HMGCLL1: variants seen among roughly 807,000 people sequenced by gnomAD.
HMGCLL1 encodes 3-hydroxymethyl-3-methylglutaryl-CoA lyase, cytoplasmic.
A neutral mutation model predicts 39.1 loss-of-function variants in HMGCLL1; 36 were observed. That is an observed-to-expected ratio of 0.92 (90% CI 0.71 to 1.22). The LOEUF is 1.22. HMGCLL1 is among the 50% of genes most tolerant of loss of function. The pLI, the probability that HMGCLL1 is intolerant of heterozygous loss-of-function variation, is 0.00. For synonymous variants in HMGCLL1, 149 were observed against 144.0 expected, an observed-to-expected ratio of 1.03 and a Z score of -0.25; for missense variants, 451 against 416.5, an observed-to-expected ratio of 1.08 and a Z score of -0.72.
intron 7 of HMGCLL1, among the ~76,000 whole-genome samples, chr6:55,488,271 C>T (rs9475313): frequency 0.14 from 20,920 of 151,924 alleles, 1,633 homozygotes; most frequent in African/African-American, 0.22. Flanking sequence ...GTAGATGTAG[C>T]CATACATGAT....
chr6:55,627,960 TA>T, the HMGCLL1 span, among the ~76,000 whole-genome samples: 3 of 1,842 alleles, frequency 1.6e-3, 1 homozygote, highest in Non-Finnish European at 3.6e-3. Context: ...ACTATATATA[TA>T]ATATATATAT....
intron 3 of HMGCLL1, among the ~76,000 whole-genome samples, chr6:55,541,135 T>A (rs7739933): frequency 0.38 from 57,216 of 151,894 alleles, 12,308 homozygotes; most frequent in East Asian, 0.52. Flanking sequence ...GTTTCAAAGA[T>A]CAGAGTCAAG....
intron 7 of HMGCLL1, among the ~76,000 whole-genome samples, chr6:55,475,148 G>T (rs1428724814): frequency 6.6e-6 from 1 of 151,528 alleles, no homozygotes; most frequent in Non-Finnish European, 1.5e-5. Context: ...GGAGAATGAT[G>T]AATACCCTTT....
intron 1 of HMGCLL1, among the ~76,000 whole-genome samples, chr6:55,573,082 C>T (rs1771597684): frequency 1.3e-5 from 2 of 152,218 alleles, no homozygotes; most frequent in South Asian, 4.1e-4. Flanking sequence ...CCCTGGTAAA[C>T]ATTTTAGGTT....
At chr6:55,579,463 G>T (rs1216471627), upstream of HMGCLL1, among the ~76,000 whole-genome samples, 1 of 152,160 alleles carries the variant, frequency 6.6e-6, no homozygotes, top group East Asian at 1.9e-4. Flanking sequence ...AAAGGAAGGG[G>T]CGTGAGTGTT....
chr6:55,615,723 ACAT>A, the HMGCLL1 span, among the ~76,000 whole-genome samples: 1 of 152,122 alleles, frequency 6.6e-6, no homozygotes, highest in South Asian at 2.1e-4. Context: ...ACAGCTACAA[ACAT>A]CATAGGTGCA....
chr6:55,513,936 TATG>T, intron 5 of HMGCLL1, 109 bp downstream of exon 5: 1 of 899,416 alleles, frequency 1.1e-6, no homozygotes, highest in Non-Finnish European at 1.7e-6. Context: ...AAAATAGAAA[TATG>T]ATATTCTATG....
intron 1 of HMGCLL1, among the ~76,000 whole-genome samples, chr6:55,553,725 AT>A (rs1347963145): frequency 1.3e-5 from 2 of 152,030 alleles, no homozygotes; most frequent in Non-Finnish European, 2.9e-5. Context: ...GACATGGGAC[AT>A]TTTTTTCTGA....
the HMGCLL1 span, among the ~76,000 whole-genome samples, chr6:55,644,345 GT>G: frequency 9.2e-5 from 14 of 152,024 alleles, no homozygotes; most frequent in African/African-American, 3.4e-4. Flanking sequence ...TGTAATGTGG[GT>G]TGTCTTTTCA....
rs540289494 is a variant in HMGCLL1, at chr6:55,575,618, T to A, written c.108+3330A>T. 1.1e-4 allele frequency among the ~76,000 whole-genome samples: 16 copies of A among 152,246 alleles called. No individual in the cohort carries two copies. The South Asian group carries it at 2.9e-3, about 28-fold the overall frequency. ...CTAACTACAATCAAATTATTTCATA[T>A]TACAGGAGTCAGGTTTATTCATGAT... On this transcript the variant is annotated intron_variant, in intron 1 of 8. Coordinates refer to ENST00000274901, the MANE Select transcript of HMGCLL1 (RefSeq NM_001042406.2).
chr6:55,457,991 GGAGTGATGAA>G, intron 7 of HMGCLL1, among the ~76,000 whole-genome samples: 1 of 152,128 alleles, frequency 6.6e-6, no homozygotes, highest in Middle Eastern at 3.4e-3. Flanking sequence ...CCACATATTT[GGAGTGATGAA>G]GACATGTTTT....
the HMGCLL1 span, among the ~76,000 whole-genome samples, chr6:55,626,236 T>C: frequency 2.6e-5 from 4 of 152,158 alleles, no homozygotes; most frequent in African/African-American, 9.7e-5. Context: ...TGGGTTTCCC[T>C]ATCCTGCACA....
chr6:55,570,341 C>A (rs1467811356), intron 1 of HMGCLL1, among the ~76,000 whole-genome samples: 1 of 152,130 alleles, frequency 6.6e-6, no homozygotes, highest in Non-Finnish European at 1.5e-5. Context: ...CTCAATTACC[C>A]TTGAGAAGAA....
At chr6:55,603,827 A>G in the HMGCLL1 span, among the ~76,000 whole-genome samples, 2 of 152,140 alleles carry the variant, frequency 1.3e-5, no homozygotes, top group Non-Finnish European at 2.9e-5. Context: ...TGTAGCTTAG[A>G]TTTCTGCCAC....
chr6:55,568,609 C>T (rs891506024), intron 1 of HMGCLL1, among the ~76,000 whole-genome samples: 114 of 152,106 alleles, frequency 7.5e-4, no homozygotes, highest in Non-Finnish European at 9.0e-4. Context: ...GCAACTACTA[C>T]GTAGACTAAC....
At chr6:55,537,549 A>C (rs1167007557) in intron 3 of HMGCLL1, among the ~76,000 whole-genome samples, 1 of 151,972 alleles carries the variant, frequency 6.6e-6, no homozygotes, top group Admixed American at 6.6e-5. Flanking sequence ...ATCCATCAGT[A>C]TGTCTACTAA....
chr6:55,539,426 C>T (rs765247769), intron 3 of HMGCLL1, among the ~76,000 whole-genome samples: 15 of 151,986 alleles, frequency 9.9e-5, no homozygotes, highest in East Asian at 1.9e-4. Flanking sequence ...ACAGTAAAGA[C>T]GTGTAATCAA....
At chr6:55,646,385 T>G in the HMGCLL1 span, among the ~76,000 whole-genome samples, 1 of 151,754 alleles carries the variant, frequency 6.6e-6, no homozygotes, top group Non-Finnish European at 1.5e-5. Flanking sequence ...AATTTCAAAT[T>G]TATTTATTTA....
the HMGCLL1 span, among the ~76,000 whole-genome samples, chr6:55,628,763 A>C: frequency 2.5e-4 from 38 of 152,144 alleles, no homozygotes; most frequent in South Asian, 6.2e-4. Flanking sequence ...TGCTGTTCTC[A>C]TGATAGTGAA....
Sources: gnomAD v4.1 joint callset for allele counts (sites outside exome capture counted in the v4.1 genomes callset) on GRCh38, gnomAD v4.1.1 for gene constraint, MANE v1.5 for transcripts, NCBI Gene and HGNC (gene_info 2026-07-23, HGNC 2026-07-21) for gene names.